The following MATCAP2 variants were observed in gnomAD, a reference collection of about 807,000 sequenced individuals.
MATCAP2 encodes microtubule associated tyrosine carboxypeptidase 2, also known as putative tyrosine carboxypeptidase MATCAP2.
chr7:36,339,632 A>G, the MATCAP2 span, among the ~76,000 whole-genome samples: 1 of 152,340 alleles, frequency 6.6e-6, no homozygotes, highest in South Asian at 2.1e-4. Context: ...ATATAATTAA[A>G]AACCCATTTT....
chr7:36,343,161 C>T, the MATCAP2 span, among the ~76,000 whole-genome samples: 1 of 151,004 alleles, frequency 6.6e-6, no homozygotes, highest in African/African-American at 2.4e-5. Flanking sequence ...AAAGTAAAAG[C>T]TTCATCTTAC....
the MATCAP2 span, among the ~76,000 whole-genome samples, chr7:36,373,204 T>A: frequency 6.7e-6 from 1 of 150,354 alleles, no homozygotes; most frequent in Non-Finnish European, 1.5e-5. Context: ...TAAATCAGAG[T>A]CCCAGTTCTC....
chr7:36,360,867 G>T, the MATCAP2 span, among the ~76,000 whole-genome samples: 1 of 152,162 alleles, frequency 6.6e-6, no homozygotes, highest in Admixed American at 6.5e-5. Context: ...TTTGGAGGAA[G>T]TGTAACTCGT....
the MATCAP2 span, chr7:36,355,227 G>A: frequency 6.6e-6 from 1 of 152,164 alleles, no homozygotes; most frequent in Non-Finnish European, 1.5e-5. Flanking sequence ...GTGCTTTGTA[G>A]GTGCCAAGCA....
chr7:36,357,086 C>G, the MATCAP2 span: 1 of 1,614,214 alleles, frequency 6.2e-7, no homozygotes, highest in African/African-American at 1.3e-5. Flanking sequence ...AAAGTCATCT[C>G]CCTTTTCAAA....
the MATCAP2 span, among the ~76,000 whole-genome samples, chr7:36,350,067 A>AT: frequency 6.6e-6 from 1 of 152,242 alleles, no homozygotes; most frequent in Non-Finnish European, 1.5e-5. Context: ...GGTATAATTT[A>AT]AAGAAGGCTT....
the MATCAP2 span, chr7:36,331,211 T>G: frequency 3.4e-6 from 2 of 583,288 alleles, no homozygotes; most frequent in Non-Finnish European, 6.2e-6. Context: ...TTATTTTTAT[T>G]TTTATTTAAC....
chr7:36,384,973 T>C, the MATCAP2 span, among the ~76,000 whole-genome samples: 3 of 152,052 alleles, frequency 2.0e-5, no homozygotes, highest in Non-Finnish European at 4.4e-5. Context: ...AAGGATATTA[T>C]TGGATATCAT....
the MATCAP2 span, among the ~76,000 whole-genome samples, chr7:36,340,160 G>A: frequency 6.6e-6 from 1 of 152,202 alleles, no homozygotes; most frequent in Non-Finnish European, 1.5e-5. Context: ...GAGCCACCGC[G>A]CTTGGCCTGC....
the MATCAP2 span, among the ~76,000 whole-genome samples, chr7:36,362,507 A>C: frequency 6.6e-6 from 1 of 152,194 alleles, no homozygotes; most frequent in Non-Finnish European, 1.5e-5. Context: ...TTGTGGTAAG[A>C]GTGAGCATTA....
At chr7:36,336,213 T>G in the MATCAP2 span, 13 of 1,536,384 alleles carry the variant, frequency 8.5e-6, no homozygotes, top group East Asian at 2.2e-4. Flanking sequence ...ATTCGAGTTT[T>G]AGAGAGCAAG....
At chr7:36,325,482 C>T in the MATCAP2 span, 1 of 152,158 alleles carries the variant, frequency 6.6e-6, no homozygotes, top group Non-Finnish European at 1.5e-5. Flanking sequence ...GTGAACCAGG[C>T]TTCACAGTAT....
the MATCAP2 span, among the ~76,000 whole-genome samples, chr7:36,351,975 A>C: frequency 6.6e-6 from 1 of 151,688 alleles, no homozygotes; most frequent in South Asian, 2.1e-4. Flanking sequence ...TTTAAGATAC[A>C]ATAACACAAG....
chr7:36,379,847 C>CACACAGAGAGAGAGAGAGAG, the MATCAP2 span, among the ~76,000 whole-genome samples: 21 of 107,694 alleles, frequency 1.9e-4, no homozygotes, highest in East Asian at 2.7e-3. Flanking sequence ...CACACACACA[C>CACACAGAGAGAGAGAGAGAG]AGAGAGAGAG....
chr7:36,334,974 CT>C, the MATCAP2 span: 1 of 1,433,894 alleles, frequency 7.0e-7, no homozygotes, highest in Non-Finnish European at 9.4e-7. Context: ...GAAAAAACCC[CT>C]TCTAAAAGAA....
chr7:36,379,527 C>T, the MATCAP2 span, among the ~76,000 whole-genome samples: 2 of 151,798 alleles, frequency 1.3e-5, no homozygotes, highest in African/African-American at 4.8e-5. Flanking sequence ...TTTTTCTGAA[C>T]TGTTTTAAGA....
the MATCAP2 span, among the ~76,000 whole-genome samples, chr7:36,350,014 G>A: frequency 6.6e-6 from 1 of 152,178 alleles, no homozygotes; most frequent in South Asian, 2.1e-4. Context: ...ATCTGTGAAA[G>A]GTTTGTGATT....
the MATCAP2 span, among the ~76,000 whole-genome samples, chr7:36,350,165 T>G: frequency 6.6e-6 from 1 of 152,190 alleles, no homozygotes; most frequent in Non-Finnish European, 1.5e-5. Context: ...TAACTTAGCT[T>G]TAAAGAAATT....
chr7:36,339,899 C>T, the MATCAP2 span, among the ~76,000 whole-genome samples: 1 of 152,152 alleles, frequency 6.6e-6, no homozygotes, highest in African/African-American at 2.4e-5. Context: ...GGTGTAGTGG[C>T]ACGATCTCGG....
Sources: gnomAD v4.1 joint callset for allele counts (sites outside exome capture counted in the v4.1 genomes callset) on GRCh38, gnomAD v4.1.1 for gene constraint, MANE v1.5 for transcripts, NCBI Gene and HGNC (gene_info 2026-07-23, HGNC 2026-07-21) for gene names.